Variants in CFAP144 observed in about 807,000 individuals in gnomAD.
The protein encoded by CFAP144 is cilia and flagella associated protein 144.
chr1:43,152,455 C>T, the CFAP144 span, among the ~76,000 whole-genome samples: 21 of 152,278 alleles, frequency 1.4e-4, no homozygotes, highest in Admixed American at 5.2e-4. Context: ...CTGCCCTTGC[C>T]TGCACATGAC....
At chr1:43,152,799 T>A in the CFAP144 span, 1 of 1,575,134 alleles carries the variant, frequency 6.3e-7, no homozygotes, top group African/African-American at 1.3e-5. Context: ...AAAGCCTGAC[T>A]CCTTCATAAC....
chr1:43,147,569 A>C, the CFAP144 span, among the ~76,000 whole-genome samples: 35 of 152,242 alleles, frequency 2.3e-4, no homozygotes, highest in African/African-American at 8.2e-4. Context: ...GACTCCTTCC[A>C]AAAGCTTTTT....
chr1:43,154,733 G>A, the CFAP144 span, among the ~76,000 whole-genome samples: 12 of 152,310 alleles, frequency 7.9e-5, no homozygotes, highest in South Asian at 8.3e-4. Flanking sequence ...GGAAACTACT[G>A]TGAAGGGCAT....
chr1:43,145,919 G>T, the CFAP144 span, among the ~76,000 whole-genome samples: 1 of 152,210 alleles, frequency 6.6e-6, no homozygotes, highest in Non-Finnish European at 1.5e-5. Flanking sequence ...GTCCAGAAAT[G>T]GACTTGCACA....
chr1:43,149,471 T>A, the CFAP144 span, among the ~76,000 whole-genome samples: 1 of 152,250 alleles, frequency 6.6e-6, no homozygotes, highest in East Asian at 1.9e-4. Flanking sequence ...CTGTGCCTAA[T>A]ATGTAAAGTC....
At chr1:43,156,041 C>T in the CFAP144 span, among the ~76,000 whole-genome samples, 69 of 152,208 alleles carry the variant, frequency 4.5e-4, no homozygotes, top group African/African-American at 1.6e-3. Context: ...GGTTATTCTC[C>T]TCTGACCTCA....
the CFAP144 span, among the ~76,000 whole-genome samples, chr1:43,147,282 T>C: frequency 6.6e-6 from 1 of 152,238 alleles, no homozygotes; most frequent in African/African-American, 2.4e-5. Context: ...GTTCTGGAGA[T>C]TGGTTTCACA....
the CFAP144 span, among the ~76,000 whole-genome samples, chr1:43,149,936 C>T: frequency 0.016 from 2,434 of 152,258 alleles, 32 homozygotes; most frequent in Non-Finnish European, 0.027. Context: ...ACTCTCCATC[C>T]AGCTCACTCC....
the CFAP144 span, among the ~76,000 whole-genome samples, chr1:43,149,707 G>A: frequency 1.3e-5 from 2 of 152,154 alleles, no homozygotes; most frequent in African/African-American, 2.4e-5. Flanking sequence ...GAGCATGTGA[G>A]CCATTGGAAT....
the CFAP144 span, among the ~76,000 whole-genome samples, chr1:43,149,458 A>G: frequency 1.3e-5 from 2 of 152,070 alleles, no homozygotes; most frequent in African/African-American, 2.4e-5. Context: ...GCCTCTCCCA[A>G]CTCTGTGCCT....
the CFAP144 span, among the ~76,000 whole-genome samples, chr1:43,145,849 A>T: frequency 6.6e-6 from 1 of 152,240 alleles, no homozygotes; most frequent in Non-Finnish European, 1.5e-5. Context: ...AAATTATGGT[A>T]ATTAAGATAG....
the CFAP144 span, chr1:43,150,678 T>G: frequency 8.2e-7 from 1 of 1,223,554 alleles, no homozygotes; most frequent in Non-Finnish European, 1.2e-6. Context: ...GCCAAATGGG[T>G]GCCCTGTTTA....
the CFAP144 span, among the ~76,000 whole-genome samples, chr1:43,155,443 A>AGAGT: frequency 6.6e-6 from 1 of 152,254 alleles, no homozygotes; most frequent in African/African-American, 2.4e-5. Context: ...TGCAGATCAC[A>AGAGT]GAGTGCATGT....
chr1:43,144,894 T>C, the CFAP144 span, among the ~76,000 whole-genome samples: 1 of 152,192 alleles, frequency 6.6e-6, no homozygotes, highest in East Asian at 1.9e-4. Context: ...GTTTCCCTCA[T>C]GCTGGGACAG....
the CFAP144 span, chr1:43,148,171 G>C: frequency 7.1e-7 from 1 of 1,413,616 alleles, no homozygotes; most frequent in Non-Finnish European, 9.6e-7. Flanking sequence ...GTGGGAACGC[G>C]GTCCCAGCAA....
At chr1:43,146,126 A>G in the CFAP144 span, among the ~76,000 whole-genome samples, 18 of 152,310 alleles carry the variant, frequency 1.2e-4, no homozygotes, top group South Asian at 2.1e-3. Flanking sequence ...AAAACAACAA[A>G]TCCTCTTAAA....
At chr1:43,143,345 G>A in the CFAP144 span, among the ~76,000 whole-genome samples, 2 of 152,158 alleles carry the variant, frequency 1.3e-5, no homozygotes, top group African/African-American at 2.4e-5. Flanking sequence ...CCGTAAAGAA[G>A]CAGTCTAAGG....
At chr1:43,147,530 G>T in the CFAP144 span, among the ~76,000 whole-genome samples, 1 of 152,180 alleles carries the variant, frequency 6.6e-6, no homozygotes, top group Non-Finnish European at 1.5e-5. Flanking sequence ...TTGATTCTGG[G>T]CATCTGCTTT....
the CFAP144 span, among the ~76,000 whole-genome samples, chr1:43,149,363 T>C: frequency 1.3e-5 from 2 of 152,364 alleles, no homozygotes; most frequent in South Asian, 4.1e-4. Context: ...CTTTCCCCCC[T>C]GCCATTTCTA....
Sources: allele counts gnomAD v4.1 joint callset (sites outside exome capture counted in the v4.1 genomes callset), GRCh38; gene constraint gnomAD v4.1.1; transcripts MANE v1.5; gene names NCBI Gene and HGNC (gene_info 2026-07-23, HGNC 2026-07-21).